LRRC53: variants seen among roughly 807,000 people sequenced by gnomAD.
LRRC53 encodes leucine rich repeat containing 53, also known as leucine-rich repeat-containing protein 53.
LRRC53 carries 25 observed loss-of-function variants against 13.6 expected under a neutral mutation model. That is an observed-to-expected ratio of 1.83 (90% confidence interval 1.34 to 2.56). The LOEUF (loss-of-function observed/expected upper bound fraction) is 2.56, where lower values mean the gene tolerates loss of function less well. Among genes scored for constraint, LRRC53 ranks in the 30% most tolerant of loss-of-function variants. The probability of loss-of-function intolerance (pLI) is 0.00; values close to 1 mark genes in which losing one functional copy is unlikely to be tolerated. For synonymous variants in LRRC53, 204 were observed against 109.8 expected (o/e 1.86, Z -5.37); for missense variants, 527 against 275.8 (o/e 1.91, Z -6.45).
chr1:74,535,500 A>T, the LRRC53 span, among the ~76,000 whole-genome samples: 1 of 152,064 alleles, frequency 6.6e-6, no homozygotes. Flanking sequence ...GAATCACAGA[A>T]TGTAAGAAAT....
At chr1:74,483,587 CT>C (rs1304435912) in intron 1 of LRRC53, among the ~76,000 whole-genome samples, 3 of 152,168 alleles carry the variant, frequency 2.0e-5, no homozygotes, top group Non-Finnish European at 4.4e-5. Context: ...ATTCAGAGAG[CT>C]CACATCCAGG....
chr1:74,492,312 A>G lies in LRRC53; in HGVS notation c.-26-8937T>C, dbSNP rs541630263. 3 of 1,436,746 alleles carry G rather than the reference A, an allele frequency of 2.1e-6. No homozygotes were observed. The African/African-American group carries it at 4.2e-5, about 20-fold the overall frequency. The allele number at this position is 1,436,746 out of a possible 1,614,324, so 89.0% of individuals were successfully genotyped here. On this transcript the variant is annotated intron_variant, in intron 1 of 4. Transcript: ENST00000294635. Reference sequence around the variant, plus strand: ...ATCTCACAGTAAAGTCTTATTTCAGAATCTTATCAAGACAGTCAACTGATT... The same window carrying G: ...ATCTCACAGTAAAGTCTTATTTCAGGATCTTATCAAGACAGTCAACTGATT...
rs878892430 is a variant in LRRC53, at chr1:74,480,663, C to T, written c.394G>A (p.Gly132Ser). 1.1e-5 allele frequency: 8 copies of T among 717,260 alleles called. 1 individual carries two copies. The highest frequency in any genetic ancestry group is 2.3e-4 in the Middle Eastern group (1 of 4,370). The allele number at this position is 717,260 out of a possible 1,614,324, so 44.4% of individuals were successfully genotyped here. ...LRGSWFRNTS[G>S]LTRLQLDGNQ... ...CCATCCAGCTGGAGCCGGGTCAGGC[C>T]GCTTGTGTTTCGGAACCAAGACCCT... Residue 132 changes from glycine to serine, a missense_variant, in exon 3 of 5, where the codon GGC becomes AGC. Transcript: ENST00000294635.
intron 1 of LRRC53, among the ~76,000 whole-genome samples, chr1:74,495,111 T>G (rs1669261400): frequency 6.6e-6 from 1 of 152,186 alleles, no homozygotes; most frequent in African/African-American, 2.4e-5. Flanking sequence ...TAAAGTGTTT[T>G]ATAGCCTTCT....
the LRRC53 span, among the ~76,000 whole-genome samples, chr1:74,530,274 A>G: frequency 1.3e-5 from 2 of 152,256 alleles, no homozygotes; most frequent in Admixed American, 1.3e-4. Flanking sequence ...GGATATAGCC[A>G]TAACTTTGAG....
intron 1 of LRRC53, among the ~76,000 whole-genome samples, chr1:74,496,324 A>G (rs972805409): frequency 3.9e-5 from 6 of 152,170 alleles, no homozygotes; most frequent in Non-Finnish European, 8.8e-5. Context: ...ATCCCTGCCA[A>G]AATTCCTTAC....
Position 74,475,330 on chromosome 1 carries a change from G to A in LRRC53, c.1385C>T (p.Pro462Leu). ...TATTATATGGTGTTGCAGAGTTTGAGGCTGGACTTCTCCAGGCTCAAGATT... is the reference window on the plus strand; with the variant it reads ...TATTATATGGTGTTGCAGAGTTTGAAGCTGGACTTCTCCAGGCTCAAGATT... ...LWNLEPGEVQ[P>L]QTLQHHIIRT... The change falls in exon 4 of 5, where the codon CCT becomes CTT. Residue 462 changes from proline (P) to leucine (L), a missense_variant. Transcript: ENST00000294635. The A allele has an allele frequency of 1.4e-6, 1 of 706,824 alleles. No individual in the cohort carries two copies. Among genetic ancestry groups the A allele is most frequent in the East Asian group, 2.7e-5 (1 of 37,222 alleles). The allele number at this position is 706,824 out of a possible 1,614,324, so 43.8% of individuals were successfully genotyped here. A position where few individuals can be genotyped will look rare whatever the true frequency, so the allele number is the denominator to read the frequency against.
the LRRC53 span, among the ~76,000 whole-genome samples, chr1:74,525,820 G>A: frequency 2.6e-5 from 4 of 152,252 alleles, no homozygotes; most frequent in Admixed American, 2.6e-4. Context: ...AACCTGGGTT[G>A]CCCCAGGATT....
At position 74,480,388 on chromosome 1, in the gene LRRC53, A is replaced by T. The variant is rs1249552620; in HGVS notation, c.669T>A (p.His223Gln). Residue 223 changes from histidine (H) to glutamine (Q), a missense_variant, in exon 3 of 5, where the codon CAT becomes CAA. Coordinates refer to ENST00000294635, the MANE Select transcript of LRRC53 (RefSeq NM_001382280.1). ...KNQWSCTCDL[H>Q]PLARFLRNYI... is the part of the protein sequence containing the mutation. ...AGTTTCTTAAAAACCGAGCAAGGGG[A>T]TGGAGATCACAAGTGCAGCTCCACT... is the stretch of plus-strand genomic sequence containing the variant. The T allele has an allele frequency of 1.4e-6, 1 of 717,560 alleles. No individual in the cohort carries two copies. Among genetic ancestry groups the T allele is most frequent in the East Asian group, 2.7e-5 (1 of 37,290 alleles). The allele number at this position is 717,560 out of a possible 1,614,324, so 44.4% of individuals were successfully genotyped here.
intron 1 of LRRC53, among the ~76,000 whole-genome samples, chr1:74,490,460 A>C (rs1557602465): frequency 1.3e-5 from 2 of 152,196 alleles, no homozygotes; most frequent in African/African-American, 4.8e-5. Context: ...TTCCAGAAAA[A>C]AGGAATCCAC....
intron 4 of LRRC53, among the ~76,000 whole-genome samples, chr1:74,474,313 C>A (rs9659824): frequency 6.6e-6 from 1 of 152,120 alleles, no homozygotes; most frequent in Admixed American, 6.6e-5. Context: ...GCATATGTTT[C>A]TTTCCTCAGC....
At chr1:74,497,633 C>T (rs1352263125) in intron 1 of LRRC53, among the ~76,000 whole-genome samples, 3 of 151,668 alleles carry the variant, frequency 2.0e-5, no homozygotes, top group Non-Finnish European at 4.4e-5. Flanking sequence ...TCCACACACA[C>T]AATTGAACCC....
At chr1:74,525,933 A>G in the LRRC53 span, among the ~76,000 whole-genome samples, 1 of 152,204 alleles carries the variant, frequency 6.6e-6, no homozygotes, top group Non-Finnish European at 1.5e-5. Context: ...CAGCTACATA[A>G]TATCATTTTG....
the LRRC53 span, among the ~76,000 whole-genome samples, chr1:74,533,821 C>T: frequency 2.0e-5 from 3 of 152,078 alleles, no homozygotes; most frequent in African/African-American, 7.2e-5. Flanking sequence ...GACAAAAAAC[C>T]AAACACCGCA....
At chr1:74,498,004 G>GTTTTT (rs1570703169) in intron 1 of LRRC53, among the ~76,000 whole-genome samples, 4 of 152,108 alleles carry the variant, frequency 2.6e-5, no homozygotes, top group Non-Finnish European at 5.9e-5. Context: ...TTGTTTGTTT[G>GTTTTT]TTTTTGTATT....
chr1:74,491,040 GTGGTATCCAGT>G (rs1402497149), intron 1 of LRRC53, among the ~76,000 whole-genome samples: 1 of 152,196 alleles, frequency 6.6e-6, no homozygotes, highest in African/African-American at 2.4e-5. Context: ...AAATGGCAAA[GTGGTATCCAGT>G]TGTGTCTGTG....
chr1:74,488,569 A>T (rs1668883050), intron 1 of LRRC53, among the ~76,000 whole-genome samples: 1 of 152,198 alleles, frequency 6.6e-6, no homozygotes, highest in Non-Finnish European at 1.5e-5. Flanking sequence ...AATCATTTTT[A>T]TATCCCTTGC....
chr1:74,532,636 C>T, the LRRC53 span, among the ~76,000 whole-genome samples: 1 of 151,750 alleles, frequency 6.6e-6, no homozygotes, highest in South Asian at 2.1e-4. Flanking sequence ...TCGCCCCACC[C>T]CACAGCAGTC....
rs1667965369 is a variant in LRRC53 at position 74,472,111 on chromosome 1, G to A, written c.1511C>T (p.Ser504Leu). The change falls in exon 5 of 5, where the codon TCA (serine) becomes TTA (leucine). Residue 504 changes from serine to leucine, a missense_variant. Transcript: ENST00000294635. ...ESLEKRLTNE[S>L]WQPPIEKEDN... ...TTCTTTTTCTATTGGAGGCTGCCATGATTCATTTGTTAAACGCTTCTCAAG... is the reference window on the plus strand; with the variant it reads ...TTCTTTTTCTATTGGAGGCTGCCATAATTCATTTGTTAAACGCTTCTCAAG... The A allele has an allele frequency of 2.8e-6, 2 of 717,140 alleles. No homozygotes were observed. Among genetic ancestry groups the A allele is most frequent in the African/African-American group, 1.7e-5 (1 of 57,210 alleles). The allele number at this position is 717,140 out of a possible 1,614,324, so 44.4% of individuals were successfully genotyped here. A position where few individuals can be genotyped will look rare whatever the true frequency, so the allele number is the denominator to read the frequency against.
Sources: allele counts gnomAD v4.1 joint callset (sites outside exome capture counted in the v4.1 genomes callset), GRCh38; gene constraint gnomAD v4.1.1; transcripts MANE v1.5; gene names NCBI Gene and HGNC (gene_info 2026-07-23, HGNC 2026-07-21).